Variants in TXNRD1 observed in about 807,000 individuals in gnomAD.
TXNRD1 encodes thioredoxin reductase 1, cytoplasmic.
Under a neutral mutation model 80.3 loss-of-function variants are expected in TXNRD1, and 57 were observed. The observed-to-expected ratio is 0.71, with a 90% confidence interval of 0.57 to 0.89. The LOEUF (loss-of-function observed/expected upper bound fraction) is 0.89. TXNRD1 is among the 40% of genes least tolerant of loss of function. The pLI is 0.00. For synonymous variants in TXNRD1, 291 were observed against 285.2 expected (o/e 1.02, Z -0.20); for missense variants, 730 against 803.0 (o/e 0.91, Z 1.10).
intron 3 of TXNRD1, chr12:104,265,474 A>G (rs553994520): frequency 6.2e-7 from 1 of 1,608,530 alleles, no homozygotes; most frequent in African/African-American, 1.3e-5. Context: ...GAAGATGAAG[A>G]AGTCTTCAGG....
intron 2 of TXNRD1, among the ~76,000 whole-genome samples, chr12:104,254,644 A>AAAAATATATATATATATAT: frequency 4.3e-4 from 40 of 93,598 alleles, no homozygotes; most frequent in African/African-American, 1.5e-3. Flanking sequence ...AAAAAAAAAA[A>AAAAATATATATATATATAT]ATATATATAT....
intron 1 of TXNRD1, among the ~76,000 whole-genome samples, chr12:104,239,134 T>G (rs1465785971): frequency 6.6e-6 from 1 of 152,174 alleles, no homozygotes; most frequent in Non-Finnish European, 1.5e-5. Context: ...AATTCTGTGT[T>G]AGACGTTTGG....
chr12:104,221,822 C>T (rs1593677281), intron 1 of TXNRD1, among the ~76,000 whole-genome samples: 1 of 152,206 alleles, frequency 6.6e-6, no homozygotes. Context: ...CCAGAAATAA[C>T]TTGTTATGGG....
At chr12:104,326,803 G>A (rs2035782314) in intron 12 of TXNRD1, among the ~76,000 whole-genome samples, 1 of 150,354 alleles carries the variant, frequency 6.7e-6, no homozygotes. Context: ...GTTATTTACA[G>A]CATTGGTCAA....
In TXNRD1 at chr12:104,288,837, G is replaced by A. The variant is rs888902180; in HGVS notation, c.305-94G>A. 6 of 1,610,490 alleles carry A rather than the reference G, an allele frequency of 3.7e-6. No homozygotes were observed. The African/African-American group carries it at 8.0e-5, about 22-fold the overall frequency. On this transcript the variant is annotated intron_variant, in intron 3 of 16. Transcript: ENST00000525566. ...CAACAGAGGGCACGCGGTGCCTGCGGGGCCGGGACGGAAGCCCCGCCCCCG... is the reference window on the plus strand; with the variant it reads ...CAACAGAGGGCACGCGGTGCCTGCGAGGCCGGGACGGAAGCCCCGCCCCCG...
At chr12:104,254,644 A>AAAAAAAAAAAAAAAAAATAT in intron 2 of TXNRD1, among the ~76,000 whole-genome samples, 22 of 93,630 alleles carry the variant, frequency 2.3e-4, no homozygotes, top group South Asian at 3.6e-4. Context: ...AAAAAAAAAA[A>AAAAAAAAAAAAAAAAAATAT]ATATATATAT....
Position 104,315,830 on chromosome 12 carries a change from C to T in TXNRD1, c.664C>T (p.Gln222Ter). 1 of 1,612,596 alleles carries T rather than the reference C, an allele frequency of 6.2e-7. No homozygotes were observed. The highest frequency in any genetic ancestry group is 1.1e-5 in the South Asian group (1 of 91,004). The change falls in exon 7 of 17, where the codon CAA becomes TAA. Residue 222 changes from glutamine (Q) to a stop codon, truncating the protein, a stop_gained. Coordinates refer to ENST00000525566, the MANE Select transcript of TXNRD1 (RefSeq NM_001093771.3). LOFTEE classifies it high-confidence loss of function. The stretch of plus-strand genomic sequence containing the variant: ...TTGCATACCTAAAAAACTGATGCAT[C>T]AAGCAGCTTTGTTAGGACAAGCCCT... ...VGCIPKKLMH[Q>*]AALLGQALQD...
chr12:104,291,613 A>G (rs1039765420), intron 4 of TXNRD1, among the ~76,000 whole-genome samples: 5 of 150,970 alleles, frequency 3.3e-5, no homozygotes, highest in Non-Finnish European at 7.4e-5. Flanking sequence ...CCTCCCGAGT[A>G]GCTGGGATTA....
rs1345345966 is a variant in TXNRD1, at chr12:104,319,458, G to A, written c.874-12G>A. ...ATTACTTAATAAGGTTTTCATATTG[G>A]TTCCTTTGTAGGCAACAAATAATAA... On this transcript the variant is annotated splice_polypyrimidine_tract_variant and intron_variant, in intron 8 of 16. Transcript: ENST00000525566. 9.9e-6 allele frequency: 15 copies of A among 1,519,320 alleles called. No individual in the cohort carries two copies. The highest frequency in any genetic ancestry group is 1.3e-5 in the Non-Finnish European group (15 of 1,115,540). 94.1% of individuals were successfully genotyped at this position (1,519,320 alleles called of 1,614,324 possible).
chr12:104,324,465 C>T (rs2035684381), intron 10 of TXNRD1, among the ~76,000 whole-genome samples: 1 of 151,428 alleles, frequency 6.6e-6, no homozygotes, highest in Non-Finnish European at 1.5e-5. Flanking sequence ...CATTCTTCTG[C>T]CTCAGCCTCC....
At chr12:104,243,003 T>C (rs2135696303) in intron 1 of TXNRD1, among the ~76,000 whole-genome samples, 1 of 152,290 alleles carries the variant, frequency 6.6e-6, no homozygotes, top group East Asian at 1.9e-4. Flanking sequence ...CCAACATAAC[T>C]AAGGTTTAAT....
chr12:104,282,563 C>G (rs897392818), intron 3 of TXNRD1, among the ~76,000 whole-genome samples: 11 of 152,266 alleles, frequency 7.2e-5, no homozygotes, highest in Admixed American at 5.9e-4. Context: ...TCTTTCCTGA[C>G]TTCCCTACCC....
chr12:104,226,015 C>A (rs565446020), intron 1 of TXNRD1, among the ~76,000 whole-genome samples: 1 of 152,172 alleles, frequency 6.6e-6, no homozygotes, highest in Non-Finnish European at 1.5e-5. Flanking sequence ...GCCTGACCAA[C>A]ATGGAGAAAC....
intron 3 of TXNRD1, among the ~76,000 whole-genome samples, chr12:104,267,647 A>ATCTTTCCTTCTTTCTTTCTTTCTTTCTT (rs1555209253): frequency 7.1e-6 from 1 of 140,462 alleles, no homozygotes; most frequent in African/African-American, 2.7e-5. Context: ...ATGTGATGGT[A>ATCTTTCCTTCTTTCTTTCTTTCTTTCTT]TCTTTCTTTC....
rs534219361 is a variant in TXNRD1, at chr12:104,229,884, C to T, written c.91+13991C>T. On this transcript the variant is annotated intron_variant, in intron 1 of 16. Transcript: ENST00000525566. ...GGGATTACAGGTGTGAGCCACTGTG[C>T]CCGGGCAATTTTTATTTCTATTTTA... 3.7e-4 allele frequency among the ~76,000 whole-genome samples: 56 copies of T among 152,092 alleles called. 1 individual carries two copies. The highest frequency in any genetic ancestry group is 1.3e-3 in the African/African-American group (54 of 41,482).
At chr12:104,305,611 G>T (rs185744331) in intron 4 of TXNRD1, among the ~76,000 whole-genome samples, 1 of 152,216 alleles carries the variant, frequency 6.6e-6, no homozygotes, top group Non-Finnish European at 1.5e-5. Context: ...GGAATTGTTA[G>T]AAGTTAGGCA....
chr12:104,240,843 A>G (rs2032842535), intron 1 of TXNRD1, among the ~76,000 whole-genome samples: 1 of 151,490 alleles, frequency 6.6e-6, no homozygotes, highest in Non-Finnish European at 1.5e-5. Flanking sequence ...CCTGGGTTCA[A>G]GCGATTCTCT....
chr12:104,314,140 G>A (rs897064925), intron 6 of TXNRD1, among the ~76,000 whole-genome samples: 4 of 152,172 alleles, frequency 2.6e-5, no homozygotes, highest in African/African-American at 9.7e-5. Context: ...AGTGTGAGAT[G>A]AGACCAGAGA....
chr12:104,240,697 C>T (rs2032838253), intron 1 of TXNRD1, among the ~76,000 whole-genome samples: 1 of 150,934 alleles, frequency 6.6e-6, no homozygotes, highest in Admixed American at 6.6e-5. Context: ...GAAAAAGCAC[C>T]TACATTGTCT....
Sources: allele counts gnomAD v4.1 joint callset (sites outside exome capture counted in the v4.1 genomes callset), GRCh38; gene constraint gnomAD v4.1.1; transcripts MANE v1.5; gene names NCBI Gene and HGNC (gene_info 2026-07-23, HGNC 2026-07-21).